CHN1: variants seen among roughly 807,000 people sequenced by gnomAD.
CHN1 encodes N-chimaerin.
A neutral mutation model predicts 59.5 loss-of-function variants in CHN1; 37 were observed. The observed-to-expected ratio is 0.62, with a 90% CI of 0.48 to 0.82. The LOEUF is 0.82. Ranked by LOEUF, CHN1 falls within the 40% of genes least tolerant of loss-of-function variation. The pLI is 0.00. For synonymous variants in CHN1, 206 were observed against 200.4 expected, an observed-to-expected ratio of 1.03 and a Z score of -0.24; for missense variants, 469 against 571.0, an observed-to-expected ratio of 0.82 and a Z score of 1.82.
chr2:174,913,527 C>T (rs796369589), intron 5 of CHN1, among the ~76,000 whole-genome samples: 2 of 151,894 alleles, frequency 1.3e-5, no homozygotes, highest in Admixed American at 6.6e-5. Flanking sequence ...ATTGCCATAC[C>T]AGAATTTTTT....
intron 1 of CHN1, among the ~76,000 whole-genome samples, chr2:174,955,424 G>A (rs1441264206): frequency 6.6e-6 from 1 of 151,822 alleles, no homozygotes; most frequent in Admixed American, 6.6e-5. Context: ...CTTACAGGAG[G>A]GAGTTAAGCT....
At chr2:174,809,605 A>G (rs1197297226) in intron 10 of CHN1, among the ~76,000 whole-genome samples, 1 of 152,226 alleles carries the variant, frequency 6.6e-6, no homozygotes, top group Non-Finnish European at 1.5e-5. Flanking sequence ...GCTTTTTAGT[A>G]AGTATACACA....
chr2:174,847,150 A>G (rs1686547556), intron 6 of CHN1, 193 bp from the exon 7 acceptor site: 1 of 1,545,508 alleles, frequency 6.5e-7, no homozygotes, highest in African/African-American at 1.4e-5. Context: ...TCACAAGGAA[A>G]GAAAACCTAT....
intron 1 of CHN1, among the ~76,000 whole-genome samples, chr2:174,975,756 C>T (rs376155687): frequency 2.1e-4 from 32 of 151,630 alleles, no homozygotes; most frequent in African/African-American, 7.7e-4. Context: ...TGGATATATC[C>T]CAGGTTCATA....
intron 1 of CHN1, among the ~76,000 whole-genome samples, chr2:174,976,927 C>T (rs1218516647): frequency 1.3e-5 from 2 of 152,170 alleles, no homozygotes; most frequent in Non-Finnish European, 1.5e-5. Context: ...TGAAAAAATA[C>T]TGTCAATGGT....
At chr2:174,837,938 A>G (rs969714959) in intron 7 of CHN1, among the ~76,000 whole-genome samples, 3 of 152,236 alleles carry the variant, frequency 2.0e-5, no homozygotes, top group Admixed American at 6.5e-5. Flanking sequence ...GCACTATTAC[A>G]TAACAAATGA....
chr2:174,863,904 T>A (rs536934552), intron 6 of CHN1, among the ~76,000 whole-genome samples: 2 of 152,274 alleles, frequency 1.3e-5, no homozygotes, highest in Admixed American at 1.3e-4. Context: ...AAAAATTATT[T>A]ATCACTGCAT....
At position 174,945,784 on chromosome 2, in the gene CHN1, G is replaced by A. The variant is rs138414220; in HGVS notation, c.59-841C>T. ...CAGTAATCTGGGACTGTCAGATAAC[G>A]GATGACTCAGATTTCAAATGGATAT... On this transcript the variant is annotated intron_variant, in intron 2 of 12. Transcript: ENST00000409900. Among the ~76,000 whole-genome samples the A allele has an allele frequency of 1.5e-3, 233 of 151,842 alleles. 1 individual carries two copies. The highest frequency in any genetic ancestry group is 5.2e-3 in the African/African-American group (214 of 41,380).
At chr2:174,844,305 G>A (rs1258192550) in intron 7 of CHN1, among the ~76,000 whole-genome samples, 1 of 152,070 alleles carries the variant, frequency 6.6e-6, no homozygotes, top group Non-Finnish European at 1.5e-5. Flanking sequence ...CCTGTCTGTA[G>A]GCTGAAGTTA....
intron 8 of CHN1, among the ~76,000 whole-genome samples, chr2:174,822,154 G>T (rs1038794097): frequency 6.6e-6 from 1 of 152,192 alleles, no homozygotes; most frequent in Admixed American, 6.5e-5. Context: ...TTTTCAAAAT[G>T]AGTTGACTTG....
chr2:174,808,802 G>C, intron 11 of CHN1, 103 bp downstream of exon 11: 2 of 1,251,616 alleles, frequency 1.6e-6, no homozygotes, highest in South Asian at 1.3e-5. Context: ...AGAGGCAAAG[G>C]GGAAACATTT....
chr2:174,983,330 CA>C (rs979500299), intron 1 of CHN1, among the ~76,000 whole-genome samples: 90 of 152,246 alleles, frequency 5.9e-4, no homozygotes, highest in African/African-American at 1.9e-3. Context: ...TGACTCCTTA[CA>C]GTTCCACTGT....
At chr2:174,864,095 T>G (rs1007029735) in intron 6 of CHN1, among the ~76,000 whole-genome samples, 1 of 152,206 alleles carries the variant, frequency 6.6e-6, no homozygotes, top group Non-Finnish European at 1.5e-5. Context: ...ACAAACTGTG[T>G]TAAAGACCTG....
chr2:174,829,518 G>A (rs1253843301), intron 7 of CHN1, among the ~76,000 whole-genome samples: 1 of 152,158 alleles, frequency 6.6e-6, no homozygotes, highest in Non-Finnish European at 1.5e-5. Flanking sequence ...AACAGAAACT[G>A]AAAAAGAAAT....
At position 174,826,090 on chromosome 2, in the gene CHN1, C is replaced by T. The variant is rs574290768; in HGVS notation, c.628-1572G>A. Among the ~76,000 whole-genome samples the T allele has an allele frequency of 2.6e-5, 4 of 152,306 alleles. No homozygotes were observed. The East Asian group carries it at 7.7e-4, about 29-fold the overall frequency. ...GCTTGTAACTCTTTGCTGTTGCCAA[C>T]TGAGTCTGAGTACAAAATTTTATGT... is the stretch of plus-strand genomic sequence containing the variant. On this transcript the variant is annotated intron_variant, in intron 7 of 12. Transcript: ENST00000409900.
chr2:174,828,158 T>C lies in CHN1; in HGVS notation c.628-3640A>G, dbSNP rs528767648. Reference sequence around the variant, plus strand: ...AATTCATGCCTGGCAGTCTATAGTCTCTGAGCATCAGGAAGGAAGTTCAGT... The same window carrying C: ...AATTCATGCCTGGCAGTCTATAGTCCCTGAGCATCAGGAAGGAAGTTCAGT... On this transcript the variant is annotated intron_variant, in intron 7 of 12. Transcript: ENST00000409900. Among the ~76,000 whole-genome samples, 12 of 152,274 alleles carry C rather than the reference T, an allele frequency of 7.9e-5. No individual in the cohort carries two copies. In the East Asian group the frequency reaches 2.3e-3, roughly 29 times the overall value.
chr2:174,902,507 CACTT>C (rs1302881671), intron 5 of CHN1, among the ~76,000 whole-genome samples: 1 of 152,104 alleles, frequency 6.6e-6, no homozygotes, highest in East Asian at 1.9e-4. Context: ...CATGTGTTAT[CACTT>C]ACTCTTATAT....
At chr2:174,845,298 A>C (rs1481864179) in intron 7 of CHN1, among the ~76,000 whole-genome samples, 1 of 152,162 alleles carries the variant, frequency 6.6e-6, no homozygotes, top group East Asian at 1.9e-4. Context: ...AGCTATTTCT[A>C]AACAGTGTAC....
At chr2:174,872,286 A>G (rs1203714713) in intron 6 of CHN1, among the ~76,000 whole-genome samples, 8 of 152,182 alleles carry the variant, frequency 5.3e-5, no homozygotes, top group Non-Finnish European at 1.2e-4. Context: ...CCCACCTCAA[A>G]CAAAAAAGGA....
Sources: allele counts gnomAD v4.1 joint callset (sites outside exome capture counted in the v4.1 genomes callset), GRCh38; gene constraint gnomAD v4.1.1; transcripts MANE v1.5; gene names NCBI Gene and HGNC (gene_info 2026-07-23, HGNC 2026-07-21).